PKNOX2: variants seen among roughly 807,000 people sequenced by gnomAD.
PKNOX2 encodes the protein PBX/knotted 1 homeobox 2.
A neutral mutation model predicts 53.1 loss-of-function variants in PKNOX2; 14 were observed. The observed-to-expected ratio is 0.26, with a 90% confidence interval of 0.17 to 0.41. PKNOX2 has a LOEUF of 0.41. Among genes scored for constraint, PKNOX2 ranks in the 10% least tolerant of loss-of-function variants. The pLI is 1.00. For synonymous variants in PKNOX2, 257 were observed against 242.8 expected (o/e 1.06, Z -0.54); for missense variants, 496 against 602.8 (o/e 0.82, Z 1.85).
chr11:125,245,530 C>G (rs1294850965), intron 2 of PKNOX2, among the ~76,000 whole-genome samples: 2 of 152,226 alleles, frequency 1.3e-5, no homozygotes, highest in Non-Finnish European at 2.9e-5. Context: ...GGCTTTGAAT[C>G]AGGAATGGTG....
In PKNOX2 at chr11:125,371,587, A is replaced by G. The variant is rs140409385; in HGVS notation, c.227+3602A>G. 3.1e-3 allele frequency among the ~76,000 whole-genome samples: 468 copies of G among 152,032 alleles called. 2 individuals carry two copies. Among genetic ancestry groups the G allele is most frequent in the African/African-American group, 0.011 (453 of 41,480 alleles). On this transcript the variant is annotated intron_variant, in intron 5 of 12. Transcript: ENST00000298282. The stretch of plus-strand genomic sequence containing the variant: ...TCCCCTTTGAAGTGAGTGGGTTCCC[A>G]TGGAAACCATGGTGTCCTGAGGAGC...
At chr11:125,233,942 G>T (rs1942451737) in intron 1 of PKNOX2, among the ~76,000 whole-genome samples, 1 of 152,176 alleles carries the variant, frequency 6.6e-6, no homozygotes, top group African/African-American at 2.4e-5. Flanking sequence ...CAAAACCCCT[G>T]GATGCTCTGG....
rs118114207 is a variant in PKNOX2, at chr11:125,308,568, C to A, written c.-129-23251C>A. Reference sequence around the variant, plus strand: ...TTACACCAGCAAAGGAGATGGCGACCTCCACAATGTGTTCACAGGACTCGG... The same window carrying A: ...TTACACCAGCAAAGGAGATGGCGACATCCACAATGTGTTCACAGGACTCGG... On this transcript the variant is annotated intron_variant, in intron 2 of 12. Transcript: ENST00000298282. Among the ~76,000 whole-genome samples, 107 of 152,336 alleles carry A rather than the reference C, an allele frequency of 7.0e-4. 2 individuals carry two copies. The East Asian group carries it at 0.015, about 22-fold the overall frequency.
Position 125,226,962 on chromosome 11 carries a change from G to A in PKNOX2, c.-200-8083G>A, listed in dbSNP as rs901543225. On this transcript the variant is annotated intron_variant, in intron 1 of 12. Coordinates refer to ENST00000298282, the MANE Select transcript of PKNOX2 (RefSeq NM_001382323.2). ...TCTGGGTTCCTTGCTCTCTCTGTCAGGCCTTGGCTCCCTTATCCTCTCCTT... is the reference window on the plus strand; with the variant it reads ...TCTGGGTTCCTTGCTCTCTCTGTCAAGCCTTGGCTCCCTTATCCTCTCCTT... 3.9e-5 allele frequency among the ~76,000 whole-genome samples: 6 copies of A among 151,972 alleles called. No individual in the cohort carries two copies. The East Asian group carries it at 1.2e-3, about 30-fold the overall frequency.
At chr11:125,297,519 A>G (rs1312663405) in intron 2 of PKNOX2, among the ~76,000 whole-genome samples, 1 of 152,228 alleles carries the variant, frequency 6.6e-6, no homozygotes, top group African/African-American at 2.4e-5. Context: ...TGGAGAAGTC[A>G]GAGAAGGCTT....
At chr11:125,217,795 G>A (rs1338724608) in intron 1 of PKNOX2, among the ~76,000 whole-genome samples, 1 of 152,172 alleles carries the variant, frequency 6.6e-6, no homozygotes, top group Non-Finnish European at 1.5e-5. Context: ...ATTTCTATGT[G>A]AGATAATTAC....
chr11:125,277,345 A>G lies in PKNOX2; in HGVS notation c.-130+42230A>G, dbSNP rs755156542. The stretch of plus-strand genomic sequence containing the variant: ...ATCTTCATGGATTTTGGAGTCTCCA[A>G]TGATGCTGGCAGAAATAATAATGGA... On this transcript the variant is annotated intron_variant, in intron 2 of 12. Transcript: ENST00000298282. Among the ~76,000 whole-genome samples the G allele has an allele frequency of 3.3e-5, 5 of 152,238 alleles. No homozygotes were observed. In the East Asian group the frequency reaches 9.6e-4, roughly 29 times the overall value.
chr11:125,276,282 A>T (rs1401823327), intron 2 of PKNOX2, among the ~76,000 whole-genome samples: 1 of 152,220 alleles, frequency 6.6e-6, no homozygotes, highest in Non-Finnish European at 1.5e-5. Flanking sequence ...CAGTGAATAC[A>T]GATGACTCCT....
intron 2 of PKNOX2, among the ~76,000 whole-genome samples, chr11:125,269,194 T>G (rs1040299010): frequency 6.6e-6 from 1 of 152,186 alleles, no homozygotes; most frequent in Non-Finnish European, 1.5e-5. Context: ...TTTTAACATA[T>G]TCCTTCCTCA....
At chr11:125,347,984 G>A (rs989214823) in intron 3 of PKNOX2, among the ~76,000 whole-genome samples, 1 of 152,174 alleles carries the variant, frequency 6.6e-6, no homozygotes, top group African/African-American at 2.4e-5. Context: ...GGGCCAAGCA[G>A]CCTCTCAGAA....
intron 2 of PKNOX2, among the ~76,000 whole-genome samples, chr11:125,261,412 T>G (rs1421010413): frequency 1.3e-5 from 2 of 152,222 alleles, no homozygotes; most frequent in Admixed American, 1.3e-4. Flanking sequence ...TGAGCTCAAG[T>G]TGAGGCAATG....
At chr11:125,402,119 TGA>T (rs1478877150) in intron 7 of PKNOX2, among the ~76,000 whole-genome samples, 1 of 152,150 alleles carries the variant, frequency 6.6e-6, no homozygotes, top group Non-Finnish European at 1.5e-5. Flanking sequence ...TTTCTCTGTG[TGA>T]GTCTTCTCTG....
chr11:125,219,712 C>G (rs1200290788), intron 1 of PKNOX2, among the ~76,000 whole-genome samples: 1 of 152,168 alleles, frequency 6.6e-6, no homozygotes, highest in Admixed American at 6.5e-5. Flanking sequence ...CCTGGGATAC[C>G]ATTATTCATT....
chr11:125,408,347 G>T (rs902043336), intron 7 of PKNOX2, among the ~76,000 whole-genome samples: 1 of 152,220 alleles, frequency 6.6e-6, no homozygotes, highest in Non-Finnish European at 1.5e-5. Flanking sequence ...TCACGGGCTA[G>T]GCGGCTCCCA....
intron 1 of PKNOX2, among the ~76,000 whole-genome samples, chr11:125,219,457 TA>T (rs1425282856): frequency 6.6e-6 from 1 of 150,394 alleles, no homozygotes; most frequent in Admixed American, 6.6e-5. Flanking sequence ...AAAAAAATTA[TA>T]AACAAAGCTA....
At chr11:125,251,571 T>C (rs1452664773) in intron 2 of PKNOX2, among the ~76,000 whole-genome samples, 1 of 151,744 alleles carries the variant, frequency 6.6e-6, no homozygotes, top group East Asian at 1.9e-4. Flanking sequence ...ATAGTGTAAG[T>C]CCCTTTATTG....
intron 2 of PKNOX2, among the ~76,000 whole-genome samples, chr11:125,259,508 T>C (rs1944668240): frequency 6.6e-6 from 1 of 152,190 alleles, no homozygotes; most frequent in Non-Finnish European, 1.5e-5. Context: ...AGTACCTCTG[T>C]TGTACCCTGG....
At chr11:125,344,748 G>A (rs1950883786) in intron 3 of PKNOX2, among the ~76,000 whole-genome samples, 1 of 152,184 alleles carries the variant, frequency 6.6e-6, no homozygotes, top group Non-Finnish European at 1.5e-5. Flanking sequence ...GGACCCGGAG[G>A]GGCAGTAGGG....
At chr11:125,399,234 C>T (rs752549873) in intron 7 of PKNOX2, among the ~76,000 whole-genome samples, 7 of 152,248 alleles carry the variant, frequency 4.6e-5, no homozygotes, top group Non-Finnish European at 1.0e-4. Context: ...TTGAAATCAC[C>T]AAGTCACTTT....
Sources: gnomAD v4.1 joint callset for allele counts (sites outside exome capture counted in the v4.1 genomes callset) on GRCh38, gnomAD v4.1.1 for gene constraint, MANE v1.5 for transcripts, NCBI Gene and HGNC (gene_info 2026-07-23, HGNC 2026-07-21) for gene names.